The following ZNF337 variants were observed in gnomAD, a reference collection of about 807,000 sequenced individuals.
ZNF337 encodes the protein zinc finger protein 337.
A neutral mutation model predicts 12.1 loss-of-function variants in ZNF337; 8 were observed. The ratio of observed to expected loss-of-function variants is 0.66; its 90% CI spans 0.39 to 1.19. The LOEUF (loss-of-function observed/expected upper bound fraction) is 1.19, where lower values mean the gene tolerates loss of function less well. Ranked by LOEUF, ZNF337 falls within the 50% of genes most tolerant of loss-of-function variation. ZNF337 has a pLI of 0.01. For synonymous variants in ZNF337, 336 were observed against 320.0 expected (o/e 1.05, Z -0.53); for missense variants, 882 against 896.6 (o/e 0.98, Z 0.21).
Position 25,675,606 on chromosome 20 carries a change from C to CT in ZNF337, c.1681dup (p.Arg561LysfsTer13). 6.2e-7 allele frequency: 1 copy of CT among 1,613,696 alleles called. No individual in the cohort carries two copies. Among genetic ancestry groups the CT allele is most frequent in the Non-Finnish European group, 8.5e-7 (1 of 1,179,928 alleles). ...TTCCCCCGAGTGTGTCCACTGATGT[C>CT]TAAGAAGATTTGCCTTCAAACTAAA... On this transcript the variant is annotated frameshift_variant, in exon 5 of 5. Transcript: ENST00000252979. LOFTEE classifies it low-confidence loss of function (END_TRUNC).
rs745914516 is a variant in ZNF337, at chr20:25,676,860, G to A, written c.428C>T (p.Ser143Leu). The change falls in exon 5 of 5, where the codon TCA (serine) becomes TTA (leucine). Residue 143 changes from serine to leucine, a missense_variant. Physicochemically the swap from Ser to Leu is moderately radical, Grantham distance 145 (BLOSUM62 -2). Coordinates refer to ENST00000252979, the MANE Select transcript of ZNF337 (RefSeq NM_015655.4). ...TTCCACTACACTGTTCCTCCTCCTT[G>A]AGCTTACTGCATGTCTTAGGGGTGG... ...SSPPLRHAVS[S>L]RRRNSVVEIE... The A allele has an allele frequency of 6.2e-7, 1 of 1,614,026 alleles. No individual in the cohort carries two copies. The highest frequency in any genetic ancestry group is 1.3e-5 in the African/African-American group (1 of 74,982).
chr20:25,691,798 C>T (rs749188407), intron 1 of ZNF337, among the ~76,000 whole-genome samples: 1 of 152,184 alleles, frequency 6.6e-6, no homozygotes, highest in Non-Finnish European at 1.5e-5. Context: ...AGACAAATTC[C>T]GTGTAGTTTA....
intron 4 of ZNF337, among the ~76,000 whole-genome samples, chr20:25,682,748 T>C (rs1023922944): frequency 2.8e-4 from 42 of 152,188 alleles, no homozygotes; most frequent in African/African-American, 1.0e-3. Flanking sequence ...GACAGGAGAA[T>C]TGCTTGAACC....
chr20:25,676,274 G>C lies in ZNF337; in HGVS notation c.1014C>G (p.His338Gln). 6.2e-7 allele frequency: 1 copy of C among 1,613,474 alleles called. No individual in the cohort carries two copies. The highest frequency in any genetic ancestry group is 1.1e-5 in the South Asian group (1 of 91,046). ...GCTTCTCTCCTGAGTGTATTCTCTT[G>C]TGCACAACGAAGTATGACTTATTAG... is the stretch of plus-strand genomic sequence containing the variant. ...GYTNKSYFVVHKRIHSGEKPY... is the reference protein window; with the variant it reads ...GYTNKSYFVVQKRIHSGEKPY... The change falls in exon 5 of 5, where the codon CAC (histidine) becomes CAG (glutamine). Residue 338 changes from histidine to glutamine, a missense_variant. Transcript: ENST00000252979.
chr20:25,681,728 CAA>C (rs1431077467), intron 4 of ZNF337, among the ~76,000 whole-genome samples: 3 of 152,094 alleles, frequency 2.0e-5, no homozygotes, highest in African/African-American at 4.8e-5. Flanking sequence ...CCAGATTACA[CAA>C]AGTTATGCAT....
At chr20:25,693,138 A>C (rs1315379241) in intron 1 of ZNF337, among the ~76,000 whole-genome samples, 1 of 152,264 alleles carries the variant, frequency 6.6e-6, no homozygotes, top group East Asian at 1.9e-4. Context: ...GTGCAGTGGC[A>C]TGTTCTCTGC....
At chr20:25,693,315 A>T (rs2065896303) in intron 1 of ZNF337, among the ~76,000 whole-genome samples, 1 of 152,142 alleles carries the variant, frequency 6.6e-6, no homozygotes, top group South Asian at 2.1e-4. Flanking sequence ...GGCCTCAGGT[A>T]ATCTGCCCGC....
At chr20:25,685,818 A>AG (rs1240878419) in intron 3 of ZNF337, among the ~76,000 whole-genome samples, 156 bp from the exon 4 acceptor site, 1 of 152,166 alleles carries the variant, frequency 6.6e-6, no homozygotes, top group Non-Finnish European at 1.5e-5. Context: ...CCCCAGGGGG[A>AG]GCCCCAGTGT....
Position 25,676,447 on chromosome 20 carries a change from CA to C in ZNF337, c.840del (p.Val281CysfsTer31). On this transcript the variant is annotated frameshift_variant, in exon 5 of 5. Transcript: ENST00000252979. LOFTEE classifies it low-confidence loss of function (END_TRUNC). ...TCTCCTGTGTGTGTTCTCTCATGCACAGTGAGGTATGACTTACTGGTATAGC... is the reference window on the plus strand; with the variant it reads ...TCTCCTGTGTGTGTTCTCTCATGCACGTGAGGTATGACTTACTGGTATAGC... The part of the protein sequence containing the change: ...GRGYTSKSYL[T>X]VHERTHTGEK... 6.2e-7 allele frequency: 1 copy of C among 1,613,056 alleles called. No homozygotes were observed. The highest frequency in any genetic ancestry group is 1.3e-5 in the African/African-American group (1 of 74,654).
chr20:25,675,700 T>C lies in ZNF337; in HGVS notation c.1588A>G (p.Asn530Asp), dbSNP rs376292767. 1.2e-6 allele frequency: 2 copies of C among 1,613,494 alleles called. No individual in the cohort carries two copies. Among genetic ancestry groups the C allele is most frequent in the South Asian group, 2.2e-5 (2 of 91,050 alleles). Residue 530 changes from asparagine to aspartate, a missense_variant, in exon 5 of 5, where the codon AAT becomes GAT. Asn to Asp is a conservative substitution (Grantham distance 23). Transcript: ENST00000252979. ...DCGRGFTLKP[N>D]LTIHQRTHSG... ...TGTGTCCTCTGATGTATGGTGAGAT[T>C]TGGCTTCAAGGTAAAGCCTCGCCCA...
At chr20:25,692,534 T>G (rs2065890310) in intron 1 of ZNF337, among the ~76,000 whole-genome samples, 1 of 152,174 alleles carries the variant, frequency 6.6e-6, no homozygotes, top group Admixed American at 6.5e-5. Flanking sequence ...CTGTTATATA[T>G]TCTCTCTACT....
At chr20:25,694,643 C>T (rs939189779) in intron 1 of ZNF337, among the ~76,000 whole-genome samples, 1 of 152,060 alleles carries the variant, frequency 6.6e-6, no homozygotes, top group African/African-American at 2.4e-5. Context: ...CTAAATTCAC[C>T]TTTTTTCCCT....
At chr20:25,684,727 A>G (rs1224033924) in intron 4 of ZNF337, among the ~76,000 whole-genome samples, 3 of 152,222 alleles carry the variant, frequency 2.0e-5, no homozygotes, top group African/African-American at 7.2e-5. Flanking sequence ...AACCAACCCA[A>G]ATGCCCATCA....
intron 4 of ZNF337, among the ~76,000 whole-genome samples, chr20:25,682,835 C>T (rs1418242956): frequency 7.6e-6 from 1 of 131,980 alleles, no homozygotes; most frequent in South Asian, 2.5e-4. Context: ...AACTCCGACT[C>T]AAAAAAAAAA....
chr20:25,674,934 A>G lies in ZNF337; in HGVS notation c.*98T>C, dbSNP rs879818383. Reference sequence around the variant, plus strand: ...CCTCTGGATTCTGTCTGCCTCTGTTATATCTTCACGAACAAGTTATGCAGC... The same window carrying G: ...CCTCTGGATTCTGTCTGCCTCTGTTGTATCTTCACGAACAAGTTATGCAGC... On this transcript the variant is annotated 3_prime_UTR_variant, in exon 5 of 5. Coordinates refer to ENST00000252979, the MANE Select transcript of ZNF337 (RefSeq NM_015655.4). The G allele has an allele frequency of 1.8e-6, 2 of 1,124,886 alleles. No homozygotes were observed. The highest frequency in any genetic ancestry group is 2.6e-6 in the Non-Finnish European group (2 of 782,790). 69.7% of individuals were successfully genotyped at this position (1,124,886 alleles called of 1,614,324 possible).
At chr20:25,678,391 A>G (rs933227724) in intron 4 of ZNF337, among the ~76,000 whole-genome samples, 45 of 152,330 alleles carry the variant, frequency 3.0e-4, no homozygotes, top group African/African-American at 9.9e-4. Context: ...ATGAAAAGAC[A>G]TCTTATGTTC....
Position 25,676,577 on chromosome 20 carries a change from C to T in ZNF337, c.711G>A (p.Val237=), listed in dbSNP as rs1296714748. ...QNTHTGEKSY[V]CSVCGRGFSL... ...TGAAGCCTCGCCCACACACACTGCA[C>T]ACATAGGACTTCTCTCCTGTGTGTG... Residue 237 remains valine, a synonymous_variant, in exon 5 of 5, where the codon GTG becomes GTA. Coordinates refer to ENST00000252979, the MANE Select transcript of ZNF337 (RefSeq NM_015655.4). 6.2e-7 allele frequency: 1 copy of T among 1,614,110 alleles called. No individual in the cohort carries two copies. Among genetic ancestry groups the T allele is most frequent in the Admixed American group, 1.7e-5 (1 of 60,018 alleles).
chr20:25,686,520 G>A (rs534678268), intron 1 of ZNF337, 54 bp from the exon 2 acceptor site: 4 of 1,331,392 alleles, frequency 3.0e-6, no homozygotes, highest in South Asian at 2.6e-5. Flanking sequence ...CTCCCCATGT[G>A]TGACAGTTGG....
chr20:25,677,540 CT>C (rs950578096), intron 4 of ZNF337: 43 of 147,840 alleles, frequency 2.9e-4, no homozygotes, highest in Non-Finnish European at 4.8e-4. Context: ...ATGATAAAAA[CT>C]TTTTTTTTTT....
Sources: gnomAD v4.1 joint callset for allele counts (sites outside exome capture counted in the v4.1 genomes callset) on GRCh38, gnomAD v4.1.1 for gene constraint, MANE v1.5 for transcripts, NCBI Gene and HGNC (gene_info 2026-07-23, HGNC 2026-07-21) for gene names.